The following KIF21B variants were observed in gnomAD, a reference collection of about 807,000 sequenced individuals.
The protein encoded by KIF21B is kinesin-like protein KIF21B.
In KIF21B, 85 loss-of-function variants were observed where a neutral mutation model predicts 192.9. The ratio of observed to expected loss-of-function variants is 0.44; its 90% CI spans 0.37 to 0.53. The LOEUF is 0.53. Among genes scored for constraint, KIF21B ranks in the 20% least tolerant of loss-of-function variants. The pLI is 0.00. For missense variants in KIF21B, 1,716 were observed against 2,194.8 expected (o/e 0.78, Z 4.36); for synonymous variants, 832 against 884.6 (o/e 0.94, Z 1.05).
chr1:201,020,572 C>A (rs1219112201), intron 1 of KIF21B, among the ~76,000 whole-genome samples: 3 of 152,176 alleles, frequency 2.0e-5, no homozygotes, highest in Admixed American at 6.5e-5. Flanking sequence ...TTCCATCTAG[C>A]TGGGGAGGCC....
intron 15 of KIF21B, among the ~76,000 whole-genome samples, chr1:200,994,698 G>A (rs1156927484): frequency 1.3e-5 from 2 of 152,212 alleles, no homozygotes; most frequent in Non-Finnish European, 2.9e-5. Flanking sequence ...GCCAGGACAC[G>A]ATGGGGTACC....
Position 200,991,680 on chromosome 1 carries a change from C to T in KIF21B, c.2431G>A (p.Val811Ile), listed in dbSNP as rs367929176. The T allele has an allele frequency of 8.1e-6, 13 of 1,614,024 alleles. No homozygotes were observed. In the African/African-American group the frequency reaches 1.5e-4, roughly 18 times the overall value. Residue 811 changes from valine (V) to isoleucine (I), a missense_variant, in exon 17 of 35, where the codon GTC becomes ATC. Val to Ile is a conservative substitution (Grantham distance 29). Around this residue, in one of 3 missense-constraint regions of KIF21B, gnomAD observed 1,087 missense variants for 1,316.6 expected, o/e 0.83. Transcript: ENST00000461742. ...LESQKRQQEMVLRRKTQEVSA... is the reference protein window; with the variant it reads ...LESQKRQQEMILRRKTQEVSA... ...ACCTCCTGGGTCTTCCTCCTCAGGA[C>T]CATCTCCTGCTGCCGCTTCTGGGAC...
rs150551633 is a variant in KIF21B at position 201,008,902 on chromosome 1, G to A, written c.314C>T (p.Thr105Met). 1.1e-4 allele frequency: 170 copies of A among 1,611,852 alleles called. 1 individual carries two copies. Among genetic ancestry groups the A allele is most frequent in the East Asian group, 5.6e-4 (25 of 44,884 alleles). The stretch of plus-strand genomic sequence containing the variant: ...GATGATGCCCTGCTCCTCCTCCGAC[G>A]TTGCCATGTCAAAGCCAGTGCCCAT... ...YTMGTGFDMA[T>M]SEEEQGIIPR... The change falls in exon 3 of 35, where the codon ACG (threonine) becomes ATG (methionine). Residue 105 changes from threonine (T) to methionine (M), a missense_variant. Around this residue, in one of 3 missense-constraint regions of KIF21B, gnomAD observed 1,087 missense variants for 1,316.6 expected, o/e 0.83. Coordinates refer to ENST00000461742, the MANE Select transcript of KIF21B (RefSeq NM_001252102.2).
In KIF21B at chr1:201,003,699, C is replaced by T; in HGVS notation, c.1099G>A (p.Ala367Thr). The T allele has an allele frequency of 6.2e-7, 1 of 1,614,172 alleles. No individual in the cohort carries two copies. Among genetic ancestry groups the T allele is most frequent in the East Asian group, 2.2e-5 (1 of 44,884 alleles). ...TLNTLKYANRARNIKNKVVVN... is the reference protein window; with the variant it reads ...TLNTLKYANRTRNIKNKVVVN... ...ACCACCTTGTTCTTGATGTTGCGGG[C>T]CCGATTGGCATATTTGAGTGTGTTG... Residue 367 changes from alanine to threonine, a missense_variant, in exon 8 of 35, where the codon GCC (alanine) becomes ACC (threonine). By Grantham distance (58) the Ala-to-Thr change is moderately conservative (BLOSUM62 0). This residue lies in a region of KIF21B where 1,087 missense variants were observed against 1,316.6 expected (regional missense o/e 0.83). Transcript: ENST00000461742.
At chr1:201,007,365 C>G (rs147906623) in intron 3 of KIF21B, among the ~76,000 whole-genome samples, 2 of 52,896 alleles carry the variant, frequency 3.8e-5, no homozygotes, top group Admixed American at 1.5e-4. Context: ...GACACACACA[C>G]ACACACAGAG....
chr1:200,998,955 G>A lies in KIF21B; in HGVS notation c.1886-380C>T, dbSNP rs1028082684. Among the ~76,000 whole-genome samples the A allele has an allele frequency of 6.6e-6, 1 of 152,156 alleles. No homozygotes were observed. The highest frequency in any genetic ancestry group is 1.5e-5 in the Non-Finnish European group (1 of 68,024). On this transcript the variant is annotated intron_variant, in intron 13 of 34. Transcript: ENST00000461742. The surrounding 1 kb of genome is among the most constrained non-coding windows in gnomAD (Gnocchi z 4.3). ...GCAGCAGGCAGGGCTGAAGGGGCAG[G>A]CATCTCCATTTAGAGGAGAGGGCTT... is the stretch of plus-strand genomic sequence containing the variant.
intron 1 of KIF21B, among the ~76,000 whole-genome samples, chr1:201,012,631 C>CTATGTATGTATGTATGTATGTATG (rs113600659): frequency 2.9e-4 from 44 of 150,474 alleles, no homozygotes; most frequent in African/African-American, 7.4e-4. Context: ...TCAGAAAACT[C>CTATGTATGTATGTATGTATGTATG]TATGTATGTA....
At position 200,998,290 on chromosome 1, in the gene KIF21B, G is replaced by A; in HGVS notation, c.2077+94C>T. Reference sequence around the variant, plus strand: ...GGAAGTCCCTTGCCTAGAAGGCCAGGATAACCCCAACACACCAGCTGCTTT... The same window carrying A: ...GGAAGTCCCTTGCCTAGAAGGCCAGAATAACCCCAACACACCAGCTGCTTT... On this transcript the variant is annotated intron_variant, in intron 14 of 34. Coordinates refer to ENST00000461742, the MANE Select transcript of KIF21B (RefSeq NM_001252102.2). The surrounding 1 kb of genome is among the most constrained non-coding windows in gnomAD (Gnocchi z 4.3). 1 of 1,286,416 alleles carries A rather than the reference G, an allele frequency of 7.8e-7. No individual in the cohort carries two copies. The highest frequency in any genetic ancestry group is 1.5e-5 in the African/African-American group (1 of 67,708). The allele number at this position is 1,286,416 out of a possible 1,614,324, so 79.7% of individuals were successfully genotyped here.
intron 1 of KIF21B, among the ~76,000 whole-genome samples, chr1:201,014,227 C>T (rs142880739): frequency 7.1e-4 from 108 of 152,350 alleles, no homozygotes; most frequent in Non-Finnish European, 1.3e-3. Flanking sequence ...CGGAGAAACG[C>T]GCACGCGGAG....
chr1:200,990,746 A>AT lies in KIF21B; in HGVS notation c.2688-24dup, dbSNP rs765408427. 3 of 1,613,332 alleles carry AT rather than the reference A, an allele frequency of 1.9e-6. No homozygotes were observed. The African/African-American group carries it at 4.0e-5, about 22-fold the overall frequency. On this transcript the variant is annotated intron_variant, in intron 18 of 34. Coordinates refer to ENST00000461742, the MANE Select transcript of KIF21B (RefSeq NM_001252102.2). The surrounding 1 kb of genome is among the most constrained non-coding windows in gnomAD (Gnocchi z 5.4). ...TTTCTGGGAGACATAGGCAAAGGGG[A>AT]TTGGATGGGACTCCTTTTAACCTCT...
At chr1:200,992,064 C>T (rs907005034) in intron 16 of KIF21B, among the ~76,000 whole-genome samples, 2 of 152,240 alleles carry the variant, frequency 1.3e-5, no homozygotes, top group Non-Finnish European at 2.9e-5. Flanking sequence ...TTCCCCTCTC[C>T]AGGGCTCAAG....
intron 17 of KIF21B, 124 bp downstream of exon 17, chr1:200,991,533 G>A: frequency 1.0e-6 from 1 of 1,004,816 alleles, no homozygotes; most frequent in Non-Finnish European, 1.5e-6. Flanking sequence ...GCAGAACTGG[G>A]AAATACCGCC....
At position 200,975,137 on chromosome 1, in the gene KIF21B, G is replaced by T. The variant is rs563897393; in HGVS notation, c.4615-224C>A. On this transcript the variant is annotated intron_variant, in intron 33 of 34. Coordinates refer to ENST00000461742, the MANE Select transcript of KIF21B (RefSeq NM_001252102.2). The surrounding 1 kb of genome is among the most constrained non-coding windows in gnomAD (Gnocchi z 4.3). ...CCTCTGCTCTACTTCCCAGGTTCAA[G>T]CCTAAGATCCTGCCCTGGCAGAGAA... 3.9e-5 allele frequency among the ~76,000 whole-genome samples: 6 copies of T among 152,324 alleles called. No individual in the cohort carries two copies. The South Asian group carries it at 1.2e-3, about 32-fold the overall frequency.
At chr1:200,977,160 G>T in intron 31 of KIF21B, 52 bp downstream of exon 31, 1 of 1,568,452 alleles carries the variant, frequency 6.4e-7, no homozygotes, top group South Asian at 1.2e-5. Flanking sequence ...AAGACCTGGG[G>T]ACCTTGCCTG....
At chr1:200,985,945 A>T (rs1192507117) in intron 26 of KIF21B, among the ~76,000 whole-genome samples, 1 of 149,178 alleles carries the variant, frequency 6.7e-6, no homozygotes, top group East Asian at 2.0e-4. Flanking sequence ...TCCCAGGTTC[A>T]TGCAATTCTC....
rs1031882350 is a variant in KIF21B at position 201,011,554 on chromosome 1, G to T, written c.42-2066C>A. The stretch of plus-strand genomic sequence containing the variant: ...CAGGGGGAAAGAACATCTCATATAT[G>T]CAGGGAGAGAGAGCAAGAGCAACCT... On this transcript the variant is annotated intron_variant, in intron 1 of 34. Transcript: ENST00000461742. Among the ~76,000 whole-genome samples the T allele has an allele frequency of 3.9e-5, 6 of 152,358 alleles. No individual in the cohort carries two copies. In the South Asian group the frequency reaches 1.2e-3, roughly 32 times the overall value.
intron 22 of KIF21B, 26 bp downstream of exon 22, chr1:200,988,740 C>A: frequency 6.3e-7 from 1 of 1,586,798 alleles, no homozygotes; most frequent in South Asian, 1.1e-5. Flanking sequence ...AAGGAGCTGG[C>A]AGCTTCCAAC....
chr1:200,988,746 C>T lies in KIF21B; in HGVS notation c.3298+20G>A. 1 of 1,590,298 alleles carries T rather than the reference C, an allele frequency of 6.3e-7. No individual in the cohort carries two copies. Among genetic ancestry groups the T allele is most frequent in the Non-Finnish European group, 8.6e-7 (1 of 1,165,114 alleles). ...TGGAATGCCAAGGAGCTGGCAGCTT[C>T]CAACCGCCCCTACCCGTACCCTGCT... On this transcript the variant is annotated intron_variant, in intron 22 of 34. Transcript: ENST00000461742.
Position 201,000,812 on chromosome 1 carries a change from T to C in KIF21B, c.1403-32A>G, listed in dbSNP as rs1657448916. ...TGGGACGGCGGGAAGAAGGGTGCGATAAAGAAGATAAATAGGCCAGCGCGG... is the reference window on the plus strand; with the variant it reads ...TGGGACGGCGGGAAGAAGGGTGCGACAAAGAAGATAAATAGGCCAGCGCGG... On this transcript the variant is annotated intron_variant, in intron 9 of 34. Transcript: ENST00000461742. The surrounding 1 kb of genome is among the most constrained non-coding windows in gnomAD (Gnocchi z 6.0). 3 of 1,612,496 alleles carry C rather than the reference T, an allele frequency of 1.9e-6. No homozygotes were observed. Among genetic ancestry groups the C allele is most frequent in the Middle Eastern group, 1.7e-4 (1 of 6,058 alleles).
Sources: allele counts gnomAD v4.1 joint callset (sites outside exome capture counted in the v4.1 genomes callset), GRCh38; gene constraint gnomAD v4.1.1; regional missense constraint gnomAD v4.1.1; non-coding constraint Gnocchi (gnomAD v3.1); transcripts MANE v1.5; gene names NCBI Gene and HGNC (gene_info 2026-07-23, HGNC 2026-07-21).